Variants in MARK4 observed in about 807,000 individuals in gnomAD.
MARK4 encodes the protein microtubule affinity regulating kinase 4, also known as MAP/microtubule affinity-regulating kinase 4.
Under a neutral mutation model 81.5 loss-of-function variants are expected in MARK4, and 19 were observed. The ratio of observed to expected loss-of-function variants is 0.23; its 90% CI spans 0.16 to 0.34. The LOEUF (loss-of-function observed/expected upper bound fraction) is 0.34. Among genes scored for constraint, MARK4 ranks in the 10% least tolerant of loss-of-function variants. The pLI is 1.00. For synonymous variants in MARK4, 436 were observed against 439.0 expected, an observed-to-expected ratio of 0.99 and a Z score of 0.08; for missense variants, 772 against 1,058.8, an observed-to-expected ratio of 0.73 and a Z score of 3.76.
At chr19:45,298,024 C>G in intron 15 of MARK4, 70 bp downstream of exon 15, 1 of 1,548,544 alleles carries the variant, frequency 6.5e-7, no homozygotes, top group Non-Finnish European at 8.8e-7. Context: ...GTCTTCCACT[C>G]TGCTCTGTCT....
chr19:45,304,063 G>A lies in MARK4; in HGVS notation c.*1353G>A, dbSNP rs1377180748. The A allele has an allele frequency of 6.6e-6, 1 of 152,240 alleles. No homozygotes were observed. Among genetic ancestry groups the A allele is most frequent in the Non-Finnish European group, 1.5e-5 (1 of 68,046 alleles). 9.4% of individuals were successfully genotyped at this position (152,240 alleles called of 1,614,324 possible). On this transcript the variant is annotated 3_prime_UTR_variant, in exon 17 of 17. Coordinates refer to ENST00000262891, the MANE Select transcript of MARK4 (RefSeq NM_001199867.2). ...TGCTTAAGCAAAAAGGTATTTGTTGGTTTATGTTACTTAATAGTCCAGGGG... is the reference window on the plus strand; with the variant it reads ...TGCTTAAGCAAAAAGGTATTTGTTGATTTATGTTACTTAATAGTCCAGGGG...
At chr19:45,295,047 G>T (rs1568503236) in intron 14 of MARK4, among the ~76,000 whole-genome samples, 1 of 152,088 alleles carries the variant, frequency 6.6e-6, no homozygotes, top group Admixed American at 6.6e-5. Flanking sequence ...GAGGAATGGG[G>T]TAGTTAACAG....
At chr19:45,291,813 A>G (rs1001875496) in intron 13 of MARK4, among the ~76,000 whole-genome samples, 1 of 152,170 alleles carries the variant, frequency 6.6e-6, no homozygotes. Flanking sequence ...CCACATTGTC[A>G]TGGCTGTAAC....
intron 13 of MARK4, among the ~76,000 whole-genome samples, chr19:45,290,206 C>T (rs1288516833): frequency 1.3e-5 from 2 of 152,386 alleles, no homozygotes; most frequent in South Asian, 2.1e-4. Flanking sequence ...CCCCTGGGTA[C>T]TTCCAGTTTA....
intron 15 of MARK4, among the ~76,000 whole-genome samples, chr19:45,299,340 C>A (rs996611566): frequency 2.0e-5 from 3 of 152,140 alleles, no homozygotes; most frequent in Non-Finnish European, 4.4e-5. Context: ...AGGAAGATTG[C>A]TTGAGCCTGG....
intron 10 of MARK4, 157 bp from the exon 11 acceptor site, chr19:45,280,217 G>A: frequency 1.5e-6 from 1 of 652,224 alleles, no homozygotes. Flanking sequence ...GGGAGGATCA[G>A]CAGAGCCTGG....
chr19:45,253,319 C>T (rs570096807), intron 1 of MARK4, among the ~76,000 whole-genome samples: 4 of 152,262 alleles, frequency 2.6e-5, no homozygotes, highest in African/African-American at 9.6e-5. Flanking sequence ...GAAATGCCTA[C>T]CACCTCTGTT....
intron 1 of MARK4, among the ~76,000 whole-genome samples, chr19:45,255,791 C>T (rs957237287): frequency 6.6e-6 from 1 of 152,224 alleles, no homozygotes; most frequent in Non-Finnish European, 1.5e-5. Context: ...GCCTTTCTTC[C>T]TCCCCTCCTG....
At chr19:45,295,281 C>A (rs532548227) in intron 14 of MARK4, among the ~76,000 whole-genome samples, 1 of 152,002 alleles carries the variant, frequency 6.6e-6, no homozygotes, top group East Asian at 1.9e-4. Context: ...ATGGCGTGAA[C>A]CTGGAAGGCG....
At chr19:45,292,811 G>T (rs1465829777) in intron 13 of MARK4, among the ~76,000 whole-genome samples, 3 of 152,078 alleles carry the variant, frequency 2.0e-5, no homozygotes, top group Non-Finnish European at 2.9e-5. Flanking sequence ...GGTCGAGGCT[G>T]CAGTGAGCCA....
intron 8 of MARK4, among the ~76,000 whole-genome samples, chr19:45,276,261 A>G (rs925042683): frequency 3.3e-5 from 5 of 152,176 alleles, no homozygotes; most frequent in Non-Finnish European, 5.9e-5. Context: ...TCACGGGCTC[A>G]AGCGGTCTTC....
rs1391975984 is a variant in MARK4 at position 45,297,773 on chromosome 19, C to T, written c.1696C>T (p.Arg566Cys). The T allele has an allele frequency of 1.5e-5, 24 of 1,581,474 alleles. No homozygotes were observed. The highest frequency in any genetic ancestry group is 2.1e-5 in the Non-Finnish European group (24 of 1,166,638). Residue 566 changes from arginine (R) to cysteine (C), a missense_variant, in exon 15 of 17, where the codon CGC becomes TGC. By Grantham distance (180) the Arg-to-Cys change is radical (BLOSUM62 -3). Coordinates refer to ENST00000262891, the MANE Select transcript of MARK4 (RefSeq NM_001199867.2). ...RSRLARGSTIRSTFHGGQVRD... is the reference protein window; with the variant it reads ...RSRLARGSTICSTFHGGQVRD... ...CCGCCTGGCACGTGGTTCCACCATC[C>T]GCAGCACCTTCCATGGTGGCCAGGT...
At chr19:45,301,557 C>CCAAAAA (rs1970972448) in intron 16 of MARK4, among the ~76,000 whole-genome samples, 1 of 49,520 alleles carries the variant, frequency 2.0e-5, no homozygotes, top group Non-Finnish European at 3.4e-5. Flanking sequence ...AACTCTGTCT[C>CCAAAAA]AAAAAAAAAA....
At chr19:45,273,179 A>C (rs1373478931) in intron 8 of MARK4, among the ~76,000 whole-genome samples, 2 of 151,826 alleles carry the variant, frequency 1.3e-5, no homozygotes, top group African/African-American at 4.8e-5. Context: ...ACGATTGCCA[A>C]TCTACGGAAA....
chr19:45,300,973 G>C lies in MARK4; in HGVS notation c.1922+1118G>C, dbSNP rs137877872. Among the ~76,000 whole-genome samples the C allele has an allele frequency of 2.6e-5, 4 of 152,252 alleles. No homozygotes were observed. In the East Asian group the frequency reaches 7.7e-4, roughly 29 times the overall value. On this transcript the variant is annotated intron_variant, in intron 16 of 16. Transcript: ENST00000262891. ...GGGAGGCTAGTCCTGGGATGCTCATGTAGAGCAGCACTCTCGTACTTCAGG... is the reference window on the plus strand; with the variant it reads ...GGGAGGCTAGTCCTGGGATGCTCATCTAGAGCAGCACTCTCGTACTTCAGG...
intron 12 of MARK4, among the ~76,000 whole-genome samples, chr19:45,285,709 C>T (rs1970734405): frequency 6.6e-6 from 1 of 152,196 alleles, no homozygotes; most frequent in Admixed American, 6.5e-5. Flanking sequence ...CAGGGATTCT[C>T]AGAGAGGGAT....
intron 10 of MARK4, 58 bp downstream of exon 10, chr19:45,278,673 G>A (rs1428917711): frequency 8.5e-6 from 11 of 1,298,390 alleles, no homozygotes; most frequent in African/African-American, 5.8e-5. Context: ...GTGCAATCTC[G>A]GCTCACTGCA....
Position 45,256,058 on chromosome 19 carries a change from G to T in MARK4, c.52-2931G>T, listed in dbSNP as rs1970303878. Among the ~76,000 whole-genome samples the T allele has an allele frequency of 1.3e-5, 2 of 152,228 alleles. 1 individual carries two copies. The highest frequency in any genetic ancestry group is 4.1e-4 in the South Asian group (2 of 4,830). ...AAGTCAGGGCGCTTCTCAAGCCCTG[G>T]GTGTTTCAGGGGGTGGCAGAAGCAA... is the stretch of plus-strand genomic sequence containing the variant. On this transcript the variant is annotated intron_variant, in intron 1 of 16. Coordinates refer to ENST00000262891, the MANE Select transcript of MARK4 (RefSeq NM_001199867.2).
intron 7 of MARK4, among the ~76,000 whole-genome samples, chr19:45,268,939 A>G (rs1018947028): frequency 1.3e-5 from 2 of 152,112 alleles, no homozygotes; most frequent in South Asian, 2.1e-4. Flanking sequence ...ATTCACCTGG[A>G]GGTCGTATGT....
Sources: gnomAD v4.1 joint callset for allele counts (sites outside exome capture counted in the v4.1 genomes callset) on GRCh38, gnomAD v4.1.1 for gene constraint, MANE v1.5 for transcripts, NCBI Gene and HGNC (gene_info 2026-07-23, HGNC 2026-07-21) for gene names.